The following SBF2 variants were observed in gnomAD, a reference collection of about 807,000 sequenced individuals.
SBF2 encodes myotubularin-related protein 13.
A neutral mutation model predicts 225.2 loss-of-function variants in SBF2; 112 were observed. The ratio of observed to expected loss-of-function variants is 0.50; its 90% confidence interval spans 0.43 to 0.58. The LOEUF (loss-of-function observed/expected upper bound fraction) is 0.58, where lower values mean the gene tolerates loss of function less well. SBF2 is among the 20% of genes least tolerant of loss of function. SBF2 has a pLI of 0.00. For synonymous variants in SBF2, 763 were observed against 773.3 expected (o/e 0.99, Z 0.22); for missense variants, 1,996 against 2,206.2 (o/e 0.90, Z 1.91).
chr11:9,781,667 T>G lies in SBF2; in HGVS notation c.5320-29A>C, dbSNP rs778133578. 1.1e-5 allele frequency: 17 copies of G among 1,613,944 alleles called. No homozygotes were observed. The African/African-American group carries it at 1.9e-4, about 18-fold the overall frequency. On this transcript the variant is annotated intron_variant, in intron 38 of 39. Coordinates refer to ENST00000256190, the MANE Select transcript of SBF2 (RefSeq NM_030962.4). ...GAACCAAAAGGATACAAGTGAGATATAAGAGACAGAAAGAGAAAATGCCAT... is the reference window on the plus strand; with the variant it reads ...GAACCAAAAGGATACAAGTGAGATAGAAGAGACAGAAAGAGAAAATGCCAT...
intron 16 of SBF2, among the ~76,000 whole-genome samples, chr11:9,902,337 A>G (rs1419220516): frequency 6.6e-6 from 1 of 152,222 alleles, no homozygotes; most frequent in African/African-American, 2.4e-5. Flanking sequence ...ATTTATACAA[A>G]GCTTAACTCT....
At chr11:10,109,122 G>A (rs537776772) in intron 2 of SBF2, among the ~76,000 whole-genome samples, 28 of 151,928 alleles carry the variant, frequency 1.8e-4, no homozygotes, top group African/African-American at 5.1e-4. Context: ...TTTAGAAACC[G>A]CCAAATTAAA....
At chr11:9,885,927 A>G (rs978867711) in intron 17 of SBF2, among the ~76,000 whole-genome samples, 1 of 152,090 alleles carries the variant, frequency 6.6e-6, no homozygotes, top group Non-Finnish European at 1.5e-5. Flanking sequence ...AGGAGATGGG[A>G]TGCGTTCTCC....
intron 2 of SBF2, among the ~76,000 whole-genome samples, chr11:10,053,956 T>C (rs926494572): frequency 6.6e-6 from 1 of 151,554 alleles, no homozygotes; most frequent in Non-Finnish European, 1.5e-5. Context: ...GAAAATATAG[T>C]GGGCAGAAGA....
chr11:9,941,845 C>G (rs1452354750), intron 16 of SBF2, among the ~76,000 whole-genome samples: 2 of 151,960 alleles, frequency 1.3e-5, no homozygotes, highest in African/African-American at 4.8e-5. Flanking sequence ...ATTCCTATTA[C>G]TGGATGATAT....
chr11:10,154,481 T>C (rs1955371234), intron 2 of SBF2, among the ~76,000 whole-genome samples: 1 of 152,136 alleles, frequency 6.6e-6, no homozygotes, highest in Non-Finnish European at 1.5e-5. Flanking sequence ...ATCATACTTT[T>C]TCAGTTCTCG....
intron 20 of SBF2, among the ~76,000 whole-genome samples, 185 bp from the exon 21 acceptor site, chr11:9,852,934 A>C (rs994793299): frequency 2.0e-5 from 3 of 152,210 alleles, no homozygotes; most frequent in Non-Finnish European, 4.4e-5. Flanking sequence ...GAAAGGACTC[A>C]AACAGATACT....
At chr11:9,952,048 T>C (rs1195242537) in intron 16 of SBF2, among the ~76,000 whole-genome samples, 1 of 152,232 alleles carries the variant, frequency 6.6e-6, no homozygotes. Context: ...GCTGGTCACA[T>C]TTCTCAGAGA....
intron 6 of SBF2, among the ~76,000 whole-genome samples, chr11:10,007,573 T>C (rs1262059796): frequency 6.6e-6 from 1 of 152,196 alleles, no homozygotes; most frequent in African/African-American, 2.4e-5. Flanking sequence ...CTGACCTTTG[T>C]TGGGCTTGTA....
chr11:9,900,867 G>C (rs1389974032), intron 16 of SBF2, among the ~76,000 whole-genome samples: 1 of 152,064 alleles, frequency 6.6e-6, no homozygotes, highest in Admixed American at 6.6e-5. Context: ...CTTCCAAGTA[G>C]TTGGGACTAC....
At chr11:10,058,706 C>T (rs1398499137) in intron 2 of SBF2, among the ~76,000 whole-genome samples, 3 of 152,070 alleles carry the variant, frequency 2.0e-5, no homozygotes, top group Non-Finnish European at 4.4e-5. Flanking sequence ...CCCCAAGACA[C>T]ATAATCATCA....
At chr11:9,904,589 A>G (rs1861978246) in intron 16 of SBF2, among the ~76,000 whole-genome samples, 1 of 152,220 alleles carries the variant, frequency 6.6e-6, no homozygotes, top group Admixed American at 6.5e-5. Context: ...TAAAAGAAAT[A>G]CTGTAAACGT....
intron 26 of SBF2, among the ~76,000 whole-genome samples, chr11:9,833,631 A>G (rs990472566): frequency 3.9e-5 from 6 of 152,066 alleles, no homozygotes; most frequent in African/African-American, 9.7e-5. Flanking sequence ...CGTGTTAGCC[A>G]GGATGGTCTC....
At chr11:10,090,397 C>A (rs377541275) in intron 2 of SBF2, among the ~76,000 whole-genome samples, 1 of 152,008 alleles carries the variant, frequency 6.6e-6, no homozygotes, top group South Asian at 2.1e-4. Flanking sequence ...CAGGTCTCAC[C>A]CAAACACTGA....
chr11:10,238,173 T>C (rs1959153386), intron 1 of SBF2, among the ~76,000 whole-genome samples: 2 of 151,988 alleles, frequency 1.3e-5, no homozygotes, highest in Admixed American at 6.6e-5. Flanking sequence ...CTTTGGGGGA[T>C]GGAAGCAGGA....
At chr11:10,125,390 A>G (rs961099565) in intron 2 of SBF2, among the ~76,000 whole-genome samples, 5 of 152,084 alleles carry the variant, frequency 3.3e-5, no homozygotes, top group Admixed American at 2.6e-4. Flanking sequence ...CATATAATAC[A>G]GTGAGATGCT....
At position 9,781,541 on chromosome 11, in the gene SBF2, G is replaced by A. The variant is rs1852007385; in HGVS notation, c.5417C>T (p.Ala1806Val). The change falls in exon 39 of 40, where the codon GCC (alanine) becomes GTC (valine). Residue 1806 changes from alanine (A) to valine (V), a missense_variant. Coordinates refer to ENST00000256190, the MANE Select transcript of SBF2 (RefSeq NM_030962.4). ...AGCCTTGTCACTTGTGTGCTTTGGG[G>A]CTCCCATGCTGGGGCCAGCAGGGAT... The part of the protein sequence containing the change: ...MVIPAGPSMG[A>V]PKHTSDKAFF... 1 of 1,614,196 alleles carries A rather than the reference G, an allele frequency of 6.2e-7. No individual in the cohort carries two copies. Among genetic ancestry groups the A allele is most frequent in the South Asian group, 1.1e-5 (1 of 91,082 alleles).
chr11:10,039,241 G>T (rs976420647), intron 3 of SBF2, among the ~76,000 whole-genome samples: 1 of 151,698 alleles, frequency 6.6e-6, no homozygotes, highest in Non-Finnish European at 1.5e-5. Flanking sequence ...TTGAACTGAT[G>T]ATATGATCCA....
Position 10,112,420 on chromosome 11 carries a change from T to G in SBF2, c.142-69439A>C, listed in dbSNP as rs139663755. ...GAGTTTCCTTGCACAAGCTCCCTCT[T>G]TGCCTGCCGCCATCCATGTAAGATA... On this transcript the variant is annotated intron_variant, in intron 2 of 39. Transcript: ENST00000256190. Among the ~76,000 whole-genome samples the G allele has an allele frequency of 3.3e-4, 51 of 152,336 alleles. 1 individual carries two copies. The highest frequency in any genetic ancestry group is 9.1e-4 in the African/African-American group (38 of 41,574).
Sources: allele counts gnomAD v4.1 joint callset (sites outside exome capture counted in the v4.1 genomes callset), GRCh38; gene constraint gnomAD v4.1.1; transcripts MANE v1.5; gene names NCBI Gene and HGNC (gene_info 2026-07-23, HGNC 2026-07-21).